Variants in IFRD1 observed in about 807,000 individuals in gnomAD.
The protein encoded by IFRD1 is interferon-related developmental regulator 1.
A neutral mutation model predicts 52.9 loss-of-function variants in IFRD1; 35 were observed. That is an observed-to-expected ratio of 0.66 (90% CI 0.51 to 0.88). The LOEUF (loss-of-function observed/expected upper bound fraction) is 0.88. Among genes scored for constraint, IFRD1 ranks in the 40% least tolerant of loss-of-function variants. The pLI is 0.00. For synonymous variants in IFRD1, 184 were observed against 188.4 expected (o/e 0.98, Z 0.19); for missense variants, 517 against 550.8 (o/e 0.94, Z 0.61).
chr7:112,456,206 A>C, intron 3 of IFRD1, 120 bp downstream of exon 3: 1 of 733,288 alleles, frequency 1.4e-6, no homozygotes, highest in Non-Finnish European at 2.5e-6. Flanking sequence ...TAATTTGTGC[A>C]GCTCTCAGAT....
At chr7:112,454,225 C>G (rs984391313) in intron 1 of IFRD1, among the ~76,000 whole-genome samples, 5 of 151,372 alleles carry the variant, frequency 3.3e-5, no homozygotes, top group African/African-American at 1.2e-4. Flanking sequence ...CAGAATTTTA[C>G]TCTTGTCCAC....
At chr7:112,429,967 T>C (rs1448468338) in intron 1 of IFRD1, among the ~76,000 whole-genome samples, 1 of 152,220 alleles carries the variant, frequency 6.6e-6, no homozygotes, top group African/African-American at 2.4e-5. Context: ...CAGTCAGCAC[T>C]TTCTCATCTC....
intron 1 of IFRD1, chr7:112,435,653 T>TGTGTGTGTGC (rs1358291906): frequency 6.7e-6 from 1 of 149,294 alleles, no homozygotes; most frequent in Non-Finnish European, 1.5e-5. Context: ...TGTGTGTGTG[T>TGTGTGTGTGC]GTGCGTGCTT....
chr7:112,462,662 CT>C (rs1360918946), intron 8 of IFRD1, among the ~76,000 whole-genome samples: 1 of 152,094 alleles, frequency 6.6e-6, no homozygotes, highest in African/African-American at 2.4e-5. Flanking sequence ...CTAATATAAT[CT>C]TTATGAAACT....
chr7:112,449,216 AG>A (rs1389851137), upstream of IFRD1, among the ~76,000 whole-genome samples: 1 of 152,170 alleles, frequency 6.6e-6, no homozygotes, highest in Non-Finnish European at 1.5e-5. Flanking sequence ...ATCACAGAAT[AG>A]GACAGGAATT....
chr7:112,457,667 C>T (rs1252723904), intron 4 of IFRD1: 1 of 151,972 alleles, frequency 6.6e-6, no homozygotes, highest in Non-Finnish European at 1.5e-5. Context: ...TTGCTGGAAG[C>T]CAGGAGTTGG....
At chr7:112,474,859 A>G (rs1388501538) in intron 11 of IFRD1, among the ~76,000 whole-genome samples, 1 of 152,028 alleles carries the variant, frequency 6.6e-6, no homozygotes, top group Non-Finnish European at 1.5e-5. Flanking sequence ...AACAATGTTG[A>G]TGTCCATTTT....
At chr7:112,462,537 T>C (rs1326637611) in intron 8 of IFRD1, among the ~76,000 whole-genome samples, 159 bp downstream of exon 8, 1 of 152,198 alleles carries the variant, frequency 6.6e-6, no homozygotes, top group African/African-American at 2.4e-5. Flanking sequence ...TGTAATACTT[T>C]AGAGAGCAGA....
At position 112,462,311 on chromosome 7, in the gene IFRD1, T is replaced by A; in HGVS notation, c.839T>A (p.Val280Glu). 2 of 1,613,784 alleles carry A rather than the reference T, an allele frequency of 1.2e-6. No homozygotes were observed. Among genetic ancestry groups the A allele is most frequent in the Non-Finnish European group, 1.7e-6 (2 of 1,179,762 alleles). ...KLPSLLSCDD[V>E]NMRIAAGESL... ...CCAAGCCTCCTCTCTTGTGATGATG[T>A]AAACATGAGAATAGCTGCTGGTGAA... Residue 280 changes from valine to glutamate, a missense_variant, in exon 8 of 12, where the codon GTA becomes GAA. Transcript: ENST00000403825.
At chr7:112,470,021 T>G (rs1229477110) in intron 9 of IFRD1, among the ~76,000 whole-genome samples, 3 of 152,020 alleles carry the variant, frequency 2.0e-5, no homozygotes, top group African/African-American at 7.3e-5. Context: ...AAATGAAGGT[T>G]GCTCAACTGC....
At chr7:112,463,307 G>T (rs946478317) in intron 8 of IFRD1, among the ~76,000 whole-genome samples, 1 of 152,146 alleles carries the variant, frequency 6.6e-6, no homozygotes, top group Non-Finnish European at 1.5e-5. Flanking sequence ...TAAGGAGAAA[G>T]AATATATTTT....
At chr7:112,430,796 C>T (rs1001750807) in intron 1 of IFRD1, among the ~76,000 whole-genome samples, 1 of 152,206 alleles carries the variant, frequency 6.6e-6, no homozygotes, top group Non-Finnish European at 1.5e-5. Context: ...GGATCACCTA[C>T]TGCAGTTTGC....
chr7:112,455,632 ATC>A (rs1247002403), intron 1 of IFRD1, 129 bp from the exon 2 acceptor site: 1 of 694,502 alleles, frequency 1.4e-6, no homozygotes, highest in East Asian at 2.7e-5. Context: ...TTGTGATAAA[ATC>A]TCTTTTTATA....
chr7:112,458,780 G>T, intron 4 of IFRD1, 81 bp from the exon 5 acceptor site: 2 of 1,304,836 alleles, frequency 1.5e-6, no homozygotes, highest in South Asian at 2.4e-5. Context: ...TTTTGTCATT[G>T]ATCAAATTTG....
chr7:112,462,631 T>A (rs779810602), intron 8 of IFRD1, among the ~76,000 whole-genome samples: 5 of 152,188 alleles, frequency 3.3e-5, no homozygotes, highest in Non-Finnish European at 5.9e-5. Context: ...AGTTTAGGGA[T>A]CCTCATGGAG....
upstream of IFRD1, among the ~76,000 whole-genome samples, chr7:112,448,132 A>AAG (rs1349811395): frequency 6.6e-6 from 1 of 151,498 alleles, no homozygotes. Context: ...GATTTAAAAA[A>AAG]AAAAAAAAAA....
chr7:112,475,105 T>C (rs147940241), intron 11 of IFRD1, among the ~76,000 whole-genome samples: 11 of 151,774 alleles, frequency 7.2e-5, no homozygotes, highest in East Asian at 3.9e-4. Context: ...ACTACAGGCA[T>C]GTGCCACCAT....
chr7:112,455,089 C>T (rs1279414385), intron 1 of IFRD1, among the ~76,000 whole-genome samples: 1 of 148,228 alleles, frequency 6.7e-6, no homozygotes, highest in Non-Finnish European at 1.5e-5. Context: ...GTCTCAAATT[C>T]CTGACCTCAA....
intron 5 of IFRD1, among the ~76,000 whole-genome samples, chr7:112,460,151 T>C (rs550037917): frequency 5.9e-5 from 9 of 152,130 alleles, no homozygotes; most frequent in African/African-American, 2.2e-4. Flanking sequence ...GACTTTTTTT[T>C]CCATACTTCC....
Sources: gnomAD v4.1 joint callset for allele counts (sites outside exome capture counted in the v4.1 genomes callset) on GRCh38, gnomAD v4.1.1 for gene constraint, MANE v1.5 for transcripts, NCBI Gene and HGNC (gene_info 2026-07-23, HGNC 2026-07-21) for gene names.